Variants in TRPC4 observed in about 807,000 individuals in gnomAD.
TRPC4 encodes the protein transient receptor potential cation channel subfamily C member 4.
A neutral mutation model predicts 99.4 loss-of-function variants in TRPC4; 49 were observed. The ratio of observed to expected loss-of-function variants is 0.49; its 90% CI spans 0.39 to 0.63. The LOEUF (loss-of-function observed/expected upper bound fraction) is 0.63. Among genes scored for constraint, TRPC4 ranks in the 20% least tolerant of loss-of-function variants. TRPC4 has a pLI of 0.00. For synonymous variants in TRPC4, 454 were observed against 425.9 expected (o/e 1.07, Z -0.81); for missense variants, 898 against 1,152.9 (o/e 0.78, Z 3.20).
At chr13:37,779,309 G>C (rs1309904475) in intron 2 of TRPC4, among the ~76,000 whole-genome samples, 1 of 151,838 alleles carries the variant, frequency 6.6e-6, no homozygotes, top group Admixed American at 6.6e-5. Context: ...TTAAAGCCAA[G>C]TTCAGTAAAT....
intron 4 of TRPC4, among the ~76,000 whole-genome samples, chr13:37,677,705 T>C (rs1953106396): frequency 6.6e-6 from 1 of 152,064 alleles, no homozygotes; most frequent in South Asian, 2.1e-4. Flanking sequence ...AAAGTAGAAT[T>C]ATAAGTGGAG....
At chr13:37,703,861 A>G (rs1021178946) in intron 3 of TRPC4, among the ~76,000 whole-genome samples, 3 of 152,070 alleles carry the variant, frequency 2.0e-5, no homozygotes, top group Non-Finnish European at 4.4e-5. Flanking sequence ...ATAGAAAATA[A>G]AAAAGAAAAT....
chr13:37,772,459 A>G (rs1211033877), intron 2 of TRPC4, among the ~76,000 whole-genome samples: 1 of 151,746 alleles, frequency 6.6e-6, no homozygotes. Flanking sequence ...TGGATAAATC[A>G]GTAAGATACA....
intron 1 of TRPC4, among the ~76,000 whole-genome samples, chr13:37,785,265 G>T (rs1473681248): frequency 6.6e-6 from 1 of 152,012 alleles, no homozygotes; most frequent in Non-Finnish European, 1.5e-5. Context: ...CCTTGGAAAG[G>T]TGGTTGACAC....
intron 2 of TRPC4, among the ~76,000 whole-genome samples, chr13:37,756,883 A>C (rs993420427): frequency 6.6e-6 from 1 of 152,036 alleles, no homozygotes; most frequent in Non-Finnish European, 1.5e-5. Context: ...ATTGATCCAG[A>C]AAATAATTAT....
At chr13:37,664,852 A>G (rs1820973980) in intron 5 of TRPC4, among the ~76,000 whole-genome samples, 1 of 152,202 alleles carries the variant, frequency 6.6e-6, no homozygotes, top group South Asian at 2.1e-4. Context: ...ACTAATAGAT[A>G]GTATTTTTTA....
intron 1 of TRPC4, among the ~76,000 whole-genome samples, chr13:37,838,150 G>C (rs1333133734): frequency 1.3e-5 from 2 of 152,138 alleles, no homozygotes; most frequent in African/African-American, 4.8e-5. Context: ...GTCTTTACCA[G>C]CAGTGTGAAA....
At chr13:37,780,774 C>A (rs1276490587) in intron 2 of TRPC4, among the ~76,000 whole-genome samples, 1 of 151,856 alleles carries the variant, frequency 6.6e-6, no homozygotes, top group Non-Finnish European at 1.5e-5. Flanking sequence ...TGCAAGATAC[C>A]AAGAATTCTG....
chr13:37,668,731 A>G (rs1371474666), intron 5 of TRPC4, among the ~76,000 whole-genome samples: 1 of 152,222 alleles, frequency 6.6e-6, no homozygotes, highest in African/African-American at 2.4e-5. Context: ...AATAGAAATG[A>G]GTAAAAATTA....
chr13:37,774,627 T>C (rs1233296377), intron 2 of TRPC4, among the ~76,000 whole-genome samples: 2 of 151,748 alleles, frequency 1.3e-5, no homozygotes, highest in Non-Finnish European at 1.5e-5. Context: ...ACCTATTGGT[T>C]ATTTTCCCTG....
chr13:37,728,915 C>G (rs747567945), intron 3 of TRPC4, among the ~76,000 whole-genome samples: 3 of 151,960 alleles, frequency 2.0e-5, no homozygotes, highest in Non-Finnish European at 1.5e-5. Context: ...GGTGCCAAGA[C>G]CATTCAATAG....
chr13:37,699,246 T>A (rs576761678), intron 3 of TRPC4, among the ~76,000 whole-genome samples: 11 of 152,280 alleles, frequency 7.2e-5, no homozygotes, highest in Non-Finnish European at 7.4e-5. Flanking sequence ...GTTCAATAAA[T>A]ATTAGGTATC....
intron 1 of TRPC4, among the ~76,000 whole-genome samples, chr13:37,817,241 G>C (rs971298845): frequency 6.6e-6 from 1 of 151,966 alleles, no homozygotes; most frequent in African/African-American, 2.4e-5. Flanking sequence ...GTCAAGCTGA[G>C]AGCAAAATCA....
Position 37,845,596 on chromosome 13 carries a change from C to T in TRPC4, c.-28+23999G>A, listed in dbSNP as rs368912702. Among the ~76,000 whole-genome samples, 401 of 151,214 alleles carry T rather than the reference C, an allele frequency of 2.7e-3. 2 individuals carry two copies. The highest frequency in any genetic ancestry group is 9.3e-3 in the African/African-American group (382 of 41,162). On this transcript the variant is annotated intron_variant, in intron 1 of 10. Coordinates refer to ENST00000379705, the MANE Select transcript of TRPC4 (RefSeq NM_016179.4). ...CAGAGGACATTTGAAATTATCCAATCGATCAGAGGAGCAAAAATAAATAAA... is the reference window on the plus strand; with the variant it reads ...CAGAGGACATTTGAAATTATCCAATTGATCAGAGGAGCAAAAATAAATAAA...
intron 8 of TRPC4, among the ~76,000 whole-genome samples, chr13:37,648,926 C>G (rs1488395676): frequency 6.6e-6 from 1 of 152,066 alleles, no homozygotes; most frequent in East Asian, 1.9e-4. Context: ...TACAAGTTTC[C>G]TGTTATCTTA....
intron 3 of TRPC4, among the ~76,000 whole-genome samples, chr13:37,695,537 T>A (rs1953876923): frequency 6.6e-6 from 1 of 152,196 alleles, no homozygotes; most frequent in African/African-American, 2.4e-5. Context: ...CACAATTCAT[T>A]ACAGCCGTTC....
intron 1 of TRPC4, among the ~76,000 whole-genome samples, chr13:37,784,695 A>C (rs1210260905): frequency 3.9e-5 from 6 of 152,068 alleles, no homozygotes; most frequent in Non-Finnish European, 7.4e-5. Flanking sequence ...TTTGATTTGT[A>C]TAATGTTTTA....
intron 6 of TRPC4, among the ~76,000 whole-genome samples, chr13:37,658,055 T>A (rs1952302130): frequency 6.6e-6 from 1 of 152,184 alleles, no homozygotes; most frequent in Admixed American, 6.5e-5. Flanking sequence ...AGCCACTGCT[T>A]TCAGAAATGT....
Position 37,649,753 on chromosome 13 carries a change from A to AAAAAAC in TRPC4, c.2079+1511_2079+1512insGTTTTT, listed in dbSNP as rs1951974017. On this transcript the variant is annotated intron_variant, in intron 8 of 10. Transcript: ENST00000379705. ...TCTCAAAAAAAAAAAAAAAAAAAAA[A>AAAAAAC]AAAAAAACAACAACAAAGAACTAAG... Among the ~76,000 whole-genome samples the AAAAAAC allele has an allele frequency of 2.2e-5, 3 of 135,920 alleles. No homozygotes were observed. In the East Asian group the frequency reaches 6.3e-4, roughly 29 times the overall value. The allele number at this position is 135,920 out of a possible 152,430, so 89.2% of individuals were successfully genotyped here.
Sources: allele counts gnomAD v4.1 joint callset (sites outside exome capture counted in the v4.1 genomes callset), GRCh38; gene constraint gnomAD v4.1.1; transcripts MANE v1.5; gene names NCBI Gene and HGNC (gene_info 2026-07-23, HGNC 2026-07-21).